Variants in GPC5 observed in about 807,000 individuals in gnomAD.
GPC5 encodes the protein glypican-5.
In GPC5, 47 loss-of-function variants were observed where a neutral mutation model predicts 53.9. The observed-to-expected ratio is 0.87, with a 90% CI of 0.69 to 1.11. The LOEUF (loss-of-function observed/expected upper bound fraction) is 1.11, where lower values mean the gene tolerates loss of function less well. GPC5 is among the 50% of genes most tolerant of loss of function. The probability of loss-of-function intolerance (pLI) is 0.00; values close to 1 mark genes in which losing one functional copy is unlikely to be tolerated. For missense variants in GPC5, 748 were observed against 713.1 expected, an observed-to-expected ratio of 1.05 and a Z score of -0.56; for synonymous variants, 286 against 263.3, an observed-to-expected ratio of 1.09 and a Z score of -0.84.
rs11842269 is a variant in GPC5, at chr13:92,316,606, C to A, written c.1561+171617C>A. ...CCTATTAATTTTACTGAATAAGCACCGAGGGCTTTTTTAATAGACTCAAAG... is the reference window on the plus strand; with the variant it reads ...CCTATTAATTTTACTGAATAAGCACAGAGGGCTTTTTTAATAGACTCAAAG... On this transcript the variant is annotated intron_variant, in intron 7 of 7. Coordinates refer to ENST00000377067, the MANE Select transcript of GPC5 (RefSeq NM_004466.6). Among the ~76,000 whole-genome samples, 1,480 of 151,892 alleles carry A rather than the reference C, an allele frequency of 9.7e-3. 17 individuals are homozygous for A. The highest frequency in any genetic ancestry group is 0.033 in the African/African-American group (1,381 of 41,458).
At chr13:92,327,886 C>T (rs1280587309) in intron 7 of GPC5, among the ~76,000 whole-genome samples, 2 of 152,112 alleles carry the variant, frequency 1.3e-5, no homozygotes, top group East Asian at 1.9e-4. Flanking sequence ...AGTGCAACTT[C>T]TTATATGTCT....
chr13:92,447,079 G>T (rs2139393994), intron 7 of GPC5: 1 of 152,030 alleles, frequency 6.6e-6, no homozygotes, highest in South Asian at 2.1e-4. Context: ...CCATTCTATG[G>T]GTTTGTCTCT....
chr13:92,150,064 T>G (rs935906463), intron 7 of GPC5, among the ~76,000 whole-genome samples: 3 of 152,074 alleles, frequency 2.0e-5, no homozygotes, highest in African/African-American at 7.2e-5. Flanking sequence ...AATAACCCAT[T>G]AATATTTTTT....
intron 7 of GPC5, among the ~76,000 whole-genome samples, chr13:92,507,430 C>A (rs1388645700): frequency 6.6e-6 from 1 of 152,154 alleles, no homozygotes; most frequent in East Asian, 1.9e-4. Context: ...TATAAAACAT[C>A]TATAAAATAT....
At chr13:92,155,517 G>T (rs1339666805) in intron 7 of GPC5, among the ~76,000 whole-genome samples, 2 of 152,008 alleles carry the variant, frequency 1.3e-5, no homozygotes. Context: ...TTGAATTATG[G>T]TTTTAATAAT....
chr13:92,377,486 T>C (rs1159286544), intron 7 of GPC5, among the ~76,000 whole-genome samples: 1 of 152,210 alleles, frequency 6.6e-6, no homozygotes, highest in Admixed American at 6.5e-5. Flanking sequence ...TAGAAAAGTT[T>C]AGTAATAATT....
chr13:92,803,930 C>T (rs934296608), intron 7 of GPC5, among the ~76,000 whole-genome samples: 2 of 151,880 alleles, frequency 1.3e-5, no homozygotes, highest in Non-Finnish European at 2.9e-5. Flanking sequence ...CAGTACAAGG[C>T]AGCTCAAAGA....
intron 2 of GPC5, among the ~76,000 whole-genome samples, chr13:91,468,494 G>C (rs1882389851): frequency 6.6e-6 from 1 of 152,260 alleles, no homozygotes; most frequent in East Asian, 1.9e-4. Context: ...AGAGAAATAT[G>C]TACAGAGGAA....
At chr13:92,005,240 G>T (rs1332707272) in intron 6 of GPC5, among the ~76,000 whole-genome samples, 4 of 152,194 alleles carry the variant, frequency 2.6e-5, no homozygotes, top group African/African-American at 9.6e-5. Context: ...CAAGAGGAAT[G>T]AAAAGGGAGC....
chr13:91,934,262 A>C (rs1304884470), intron 6 of GPC5, among the ~76,000 whole-genome samples: 1 of 151,912 alleles, frequency 6.6e-6, no homozygotes, highest in Non-Finnish European at 1.5e-5. Context: ...AAAAATAATT[A>C]ATTGAAAGCA....
chr13:92,534,244 C>T (rs1160094098), intron 7 of GPC5, among the ~76,000 whole-genome samples: 1 of 152,132 alleles, frequency 6.6e-6, no homozygotes, highest in Non-Finnish European at 1.5e-5. Flanking sequence ...CATGCCACTG[C>T]ACTCCAGCCT....
At chr13:91,660,367 G>C (rs2034958727) in intron 2 of GPC5, among the ~76,000 whole-genome samples, 1 of 152,164 alleles carries the variant, frequency 6.6e-6, no homozygotes, top group African/African-American at 2.4e-5. Context: ...ACCCTGTGGA[G>C]TGGCCCACAT....
chr13:91,571,833 A>ACATATACGTGTGTGTATATATACACACG (rs760181408), intron 2 of GPC5, among the ~76,000 whole-genome samples: 2 of 87,222 alleles, frequency 2.3e-5, no homozygotes, highest in African/African-American at 1.4e-4. Flanking sequence ...ATATATACAC[A>ACATATACGTGTGTGTATATATACACACG]TATACTTGTG....
Position 91,399,058 on chromosome 13 carries a change from G to A in GPC5, c.12G>A (p.Gln4=). 1 of 1,559,200 alleles carries A rather than the reference G, an allele frequency of 6.4e-7. No homozygotes were observed. Residue 4 remains glutamine, a synonymous_variant, in exon 1 of 8, where the codon CAG becomes CAA. Coordinates refer to ENST00000377067, the MANE Select transcript of GPC5 (RefSeq NM_004466.6). MDA[Q]TWPVGFRCLL... ...CCAGGACGGCGAGGATGGACGCACAGACCTGGCCCGTGGGCTTTCGCTGCC... is the reference window on the plus strand; with the variant it reads ...CCAGGACGGCGAGGATGGACGCACAAACCTGGCCCGTGGGCTTTCGCTGCC...
At chr13:92,383,946 G>T (rs2043771024) in intron 7 of GPC5, among the ~76,000 whole-genome samples, 1 of 152,036 alleles carries the variant, frequency 6.6e-6, no homozygotes, top group Admixed American at 6.6e-5. Flanking sequence ...ATTTAAAAGT[G>T]CTAAGTACTC....
At chr13:91,407,890 A>G (rs1877442992) in intron 1 of GPC5, among the ~76,000 whole-genome samples, 1 of 152,216 alleles carries the variant, frequency 6.6e-6, no homozygotes, top group Admixed American at 6.5e-5. Flanking sequence ...TTTTAGAAAT[A>G]TTTATCTAAT....
chr13:92,785,408 G>A (rs1352442085), intron 7 of GPC5, among the ~76,000 whole-genome samples: 1 of 152,184 alleles, frequency 6.6e-6, no homozygotes, highest in Non-Finnish European at 1.5e-5. Flanking sequence ...GGCATGTCTT[G>A]TGTTGGAGGC....
At chr13:91,741,515 A>T (rs1210298268) in intron 4 of GPC5, among the ~76,000 whole-genome samples, 3 of 152,208 alleles carry the variant, frequency 2.0e-5, no homozygotes, top group Non-Finnish European at 4.4e-5. Context: ...GTGGGAAAAA[A>T]TTTTAAATGT....
At chr13:91,883,926 C>T (rs1236165497) in intron 5 of GPC5, among the ~76,000 whole-genome samples, 1 of 151,886 alleles carries the variant, frequency 6.6e-6, no homozygotes, top group African/African-American at 2.4e-5. Context: ...TTTCCTGATC[C>T]TCTCCCTCCT....
Sources: gnomAD v4.1 joint callset for allele counts (sites outside exome capture counted in the v4.1 genomes callset) on GRCh38, gnomAD v4.1.1 for gene constraint, MANE v1.5 for transcripts, NCBI Gene and HGNC (gene_info 2026-07-23, HGNC 2026-07-21) for gene names.